ANXA4: variants seen among roughly 807,000 people sequenced by gnomAD.
The protein encoded by ANXA4 is 35-beta calcimedin.
Under a neutral mutation model 49.8 loss-of-function variants are expected in ANXA4, and 39 were observed. The ratio of observed to expected loss-of-function variants is 0.78; its 90% CI spans 0.61 to 1.02. The LOEUF (loss-of-function observed/expected upper bound fraction) is 1.02. Ranked by LOEUF, ANXA4 falls within the 50% of genes least tolerant of loss-of-function variation. The probability of loss-of-function intolerance (pLI) is 0.00; values close to 1 mark genes in which losing one functional copy is unlikely to be tolerated. For missense variants in ANXA4, 360 were observed against 410.1 expected (o/e 0.88, Z 1.05); for synonymous variants, 134 against 152.5 (o/e 0.88, Z 0.89).
chr2:69,711,194 G>A (rs1678668287), intron 2 of ANXA4, among the ~76,000 whole-genome samples: 1 of 152,190 alleles, frequency 6.6e-6, no homozygotes. Flanking sequence ...GCTGGGCATA[G>A]TGACACACAC....
At chr2:69,778,502 G>A (rs895947670) in intron 1 of ANXA4, among the ~76,000 whole-genome samples, 5 of 152,166 alleles carry the variant, frequency 3.3e-5, no homozygotes, top group Non-Finnish European at 7.4e-5. Flanking sequence ...TGGGCTGGGC[G>A]CGGTGGTTCA....
intron 2 of ANXA4, among the ~76,000 whole-genome samples, chr2:69,678,581 G>A (rs1677490145): frequency 6.6e-6 from 1 of 151,682 alleles, no homozygotes; most frequent in South Asian, 2.1e-4. Flanking sequence ...GTTTTTTGTA[G>A]AGACTGGGTT....
rs150608292 is a variant in ANXA4, at chr2:69,721,730, T to C, written n.864+859T>C. 7.8e-4 allele frequency among the ~76,000 whole-genome samples: 118 copies of C among 152,038 alleles called. No homozygotes were observed. The Middle Eastern group carries it at 0.017, about 22-fold the overall frequency. On this transcript the variant is annotated intron_variant and non_coding_transcript_variant, in intron 3 of 3. Coordinates refer to the ANXA4 transcript ENST00000418066. ...AAAAATTACTCTGGATTGTTTAAAC[T>C]CCAGGTAAGCAGCTATTTGACTAGA...
At chr2:69,647,416 A>ATTTT (rs1459620972) in intron 1 of ANXA4, among the ~76,000 whole-genome samples, 59 of 149,374 alleles carry the variant, frequency 3.9e-4, no homozygotes, top group Non-Finnish European at 2.5e-4. Context: ...TTATTTATTT[A>ATTTT]TTTATTTTTT....
intron 2 of ANXA4, among the ~76,000 whole-genome samples, chr2:69,715,118 CATAT>C (rs1678835427): frequency 6.6e-6 from 1 of 152,220 alleles, no homozygotes; most frequent in Non-Finnish European, 1.5e-5. Context: ...ATCAATCCAT[CATAT>C]ATTTGAGCCC....
In ANXA4 at chr2:69,668,447, A is replaced by G. The variant is rs147165280; in HGVS notation, n.766+15165A>G. On this transcript the variant is annotated intron_variant and non_coding_transcript_variant, in intron 2 of 3. Coordinates refer to the ANXA4 transcript ENST00000418066. Reference sequence around the variant, plus strand: ...GGCAACATAGTGAGACCCTGTCTCTACAAAAAATTTTTTTAAAAAAAGTAT... The same window carrying G: ...GGCAACATAGTGAGACCCTGTCTCTGCAAAAAATTTTTTTAAAAAAAGTAT... Among the ~76,000 whole-genome samples, 81 of 152,288 alleles carry G rather than the reference A, an allele frequency of 5.3e-4. No individual in the cohort carries two copies. The East Asian group carries it at 0.015, about 28-fold the overall frequency.
chr2:69,816,929 T>A (rs1217933065), intron 9 of ANXA4: 1 of 152,240 alleles, frequency 6.6e-6, no homozygotes, highest in Non-Finnish European at 1.5e-5. Context: ...AGAATGAGTT[T>A]GCTAAATTGA....
intron 2 of ANXA4, among the ~76,000 whole-genome samples, chr2:69,678,392 T>G (rs1336792546): frequency 7.2e-6 from 1 of 139,620 alleles, no homozygotes; most frequent in Non-Finnish European, 1.5e-5. Context: ...TTCTTTTCTT[T>G]TTTTTTTTTT....
chr2:69,762,368 A>C (rs1453013805), intron 1 of ANXA4, among the ~76,000 whole-genome samples: 1 of 151,508 alleles, frequency 6.6e-6, no homozygotes, highest in Non-Finnish European at 1.5e-5. Flanking sequence ...CCTGGGTGAC[A>C]GAGTGAGACC....
At chr2:69,656,142 TA>T (rs536869169) in intron 2 of ANXA4, among the ~76,000 whole-genome samples, 1 of 150,318 alleles carries the variant, frequency 6.7e-6, no homozygotes, top group Non-Finnish European at 1.5e-5. Flanking sequence ...ACCTGCACGT[TA>T]TGCATATGTA....
intron 1 of ANXA4, among the ~76,000 whole-genome samples, chr2:69,744,771 A>G (rs1670545231): frequency 1.3e-5 from 2 of 152,254 alleles, no homozygotes; most frequent in South Asian, 4.1e-4. Context: ...CTGCCAGGAT[A>G]CAAAAGCCTG....
chr2:69,707,095 G>A (rs1385394743), intron 2 of ANXA4, among the ~76,000 whole-genome samples: 1 of 152,088 alleles, frequency 6.6e-6, no homozygotes, highest in Non-Finnish European at 1.5e-5. Context: ...TGTGAGCTTA[G>A]CCTATATTTT....
At chr2:69,656,321 ATGTATATATATG>A (rs1289627955) in intron 2 of ANXA4, among the ~76,000 whole-genome samples, 28 of 98,882 alleles carry the variant, frequency 2.8e-4, no homozygotes, top group Admixed American at 7.4e-4. Flanking sequence ...ATGTATATAT[ATGTATATATATG>A]TGTATATATA....
intron 1 of ANXA4, among the ~76,000 whole-genome samples, chr2:69,754,223 A>C (rs761327898): frequency 5.3e-5 from 8 of 152,214 alleles, no homozygotes; most frequent in Non-Finnish European, 1.0e-4. Flanking sequence ...CCCCATTAAC[A>C]TAACTTATCC....
intron 3 of ANXA4, among the ~76,000 whole-genome samples, chr2:69,733,452 A>C (rs1381177652): frequency 1.3e-5 from 2 of 151,988 alleles, no homozygotes; most frequent in African/African-American, 2.4e-5. Flanking sequence ...AAATAGAAAA[A>C]ATTAGGTGGG....
In ANXA4 at chr2:69,757,238, T is replaced by TTTTTTATATATATATATATATATA. The variant is rs1267602375; in HGVS notation, c.-47+15064_-47+15065insTTTTATATATATATATATATATAT. Among the ~76,000 whole-genome samples, 3 of 59,058 alleles carry TTTTTTATATATATATATATATATA rather than the reference T, an allele frequency of 5.1e-5. 1 individual carries two copies. Among genetic ancestry groups the TTTTTTATATATATATATATATATA allele is most frequent in the Non-Finnish European group, 9.3e-5 (3 of 32,130 alleles). The allele number at this position is 59,058 out of a possible 152,430, so 38.7% of individuals were successfully genotyped here. On this transcript the variant is annotated intron_variant, in intron 1 of 12. Transcript: ENST00000394295. ...GCCACCGTGCCCAGCCATTTTTGTTTTATATATATATATATATATATATAT... is the reference window on the plus strand; with the variant it reads ...GCCACCGTGCCCAGCCATTTTTGTTTTTTTTATATATATATATATATATATATATATATATATATATATATATAT...
Position 69,806,427 on chromosome 2 carries a change from G to T in ANXA4, c.235G>T (p.Glu79Ter). The change falls in exon 5 of 13, where the codon GAG becomes TAG. Residue 79 changes from glutamate (E) to a stop codon, truncating the protein, a stop_gained. Coordinates refer to ENST00000394295, the MANE Select transcript of ANXA4 (RefSeq NM_001153.5). LOFTEE classifies it high-confidence loss of function. ...GAAGTCAGAACTGAGTGGCAACTTC[G>T]AGCAGGTGATTGTGGGGATGATGAC... is the stretch of plus-strand genomic sequence containing the variant. ...DLKSELSGNFEQVIVGMMTPT... is the reference protein window; with the variant it reads ...DLKSELSGNF 1.2e-6 allele frequency: 2 copies of T among 1,614,146 alleles called. No homozygotes were observed. Among genetic ancestry groups the T allele is most frequent in the South Asian group, 2.2e-5 (2 of 91,080 alleles).
intron 1 of ANXA4, among the ~76,000 whole-genome samples, chr2:69,647,827 G>T (rs1180612904): frequency 2.6e-5 from 4 of 152,158 alleles, no homozygotes; most frequent in African/African-American, 9.7e-5. Context: ...AAAGTGCTGA[G>T]ATTACAGATG....
At chr2:69,734,293 G>A (rs6735734) in intron 3 of ANXA4, among the ~76,000 whole-genome samples, 271 of 152,266 alleles carry the variant, frequency 1.8e-3, no homozygotes, top group African/African-American at 6.4e-3. Context: ...GAGAGAAATC[G>A]AACATAGCTG....
Sources: gnomAD v4.1 joint callset for allele counts (sites outside exome capture counted in the v4.1 genomes callset) on GRCh38, gnomAD v4.1.1 for gene constraint, MANE v1.5 for transcripts, NCBI Gene and HGNC (gene_info 2026-07-23, HGNC 2026-07-21) for gene names.